Variants in ANKRD13C observed in about 807,000 individuals in gnomAD.
ANKRD13C encodes ankyrin repeat domain 13C.
A neutral mutation model predicts 65.5 loss-of-function variants in ANKRD13C; 16 were observed. The ratio of observed to expected loss-of-function variants is 0.24; its 90% CI spans 0.17 to 0.37. ANKRD13C has a LOEUF of 0.37. ANKRD13C is among the 10% of genes least tolerant of loss of function. The pLI, the probability that ANKRD13C is intolerant of heterozygous loss-of-function variation, is 1.00. For synonymous variants in ANKRD13C, 235 were observed against 238.7 expected, an observed-to-expected ratio of 0.98 and a Z score of 0.14; for missense variants, 503 against 655.9, an observed-to-expected ratio of 0.77 and a Z score of 2.55.
At chr1:70,334,733 T>A (rs1681945115) in intron 2 of ANKRD13C, among the ~76,000 whole-genome samples, 1 of 152,032 alleles carries the variant, frequency 6.6e-6, no homozygotes, top group Non-Finnish European at 1.5e-5. Context: ...GAGATCGGCC[T>A]GACCAACATG....
intron 6 of ANKRD13C, among the ~76,000 whole-genome samples, chr1:70,302,523 G>A (rs1263264720): frequency 1.4e-5 from 2 of 143,582 alleles, no homozygotes; most frequent in African/African-American, 2.7e-5. Flanking sequence ...TCAGGAGATC[G>A]AGACCATCCC....
At chr1:70,350,871 C>T (rs1682716053) in intron 1 of ANKRD13C, among the ~76,000 whole-genome samples, 1 of 152,148 alleles carries the variant, frequency 6.6e-6, no homozygotes, top group Non-Finnish European at 1.5e-5. Context: ...GTAAAACTAT[C>T]TGCTTTGGAC....
intron 2 of ANKRD13C, among the ~76,000 whole-genome samples, chr1:70,334,607 G>C (rs1240371415): frequency 6.6e-6 from 1 of 151,746 alleles, no homozygotes; most frequent in Non-Finnish European, 1.5e-5. Context: ...CCACCCTGGG[G>C]AACACAGCGA....
chr1:70,332,626 C>T (rs1029138047), intron 2 of ANKRD13C, among the ~76,000 whole-genome samples: 10 of 152,078 alleles, frequency 6.6e-5, no homozygotes, highest in Non-Finnish European at 1.3e-4. Flanking sequence ...CCACCATGCC[C>T]GGCTAATTTT....
In ANKRD13C at chr1:70,259,022, T is replaced by C. The variant is rs1036873038; in HGVS notation, c.*3695A>G. 2.6e-5 allele frequency among the ~76,000 whole-genome samples: 4 copies of C among 152,174 alleles called. No homozygotes were observed. Among genetic ancestry groups the C allele is most frequent in the Non-Finnish European group, 5.9e-5 (4 of 68,022 alleles). On this transcript the variant is annotated 3_prime_UTR_variant, in exon 13 of 13. Transcript: ENST00000370944. Reference sequence around the variant, plus strand: ...TGTGGTCTCGGAGCAATAGGCTTTATTGTATAGTCTAGGTGAGTGGTATGC... The same window carrying C: ...TGTGGTCTCGGAGCAATAGGCTTTACTGTATAGTCTAGGTGAGTGGTATGC...
chr1:70,325,739 C>T (rs1345169364), intron 2 of ANKRD13C, among the ~76,000 whole-genome samples: 1 of 151,992 alleles, frequency 6.6e-6, no homozygotes, highest in African/African-American at 2.4e-5. Flanking sequence ...ATTAGCCAGG[C>T]ATGGTGGTAC....
intron 3 of ANKRD13C, among the ~76,000 whole-genome samples, chr1:70,319,210 G>C (rs1466930706): frequency 6.6e-6 from 1 of 152,114 alleles, no homozygotes; most frequent in African/African-American, 2.4e-5. Context: ...TTAAAATCTT[G>C]ACTAGCACAT....
At chr1:70,345,139 T>C (rs1459246726) in intron 1 of ANKRD13C, among the ~76,000 whole-genome samples, 2 of 152,102 alleles carry the variant, frequency 1.3e-5, no homozygotes, top group African/African-American at 4.8e-5. Flanking sequence ...TCTTAAAAGT[T>C]GGTTGCACAG....
At position 70,288,139 on chromosome 1, in the gene ANKRD13C, G is replaced by T. The variant is rs749572526; in HGVS notation, c.1215+4249C>A. Among the ~76,000 whole-genome samples, 22 of 152,198 alleles carry T rather than the reference G, an allele frequency of 1.4e-4. 1 individual carries two copies. The highest frequency in any genetic ancestry group is 1.3e-4 in the Admixed American group (2 of 15,284). On this transcript the variant is annotated intron_variant, in intron 9 of 12. Coordinates refer to ENST00000370944, the MANE Select transcript of ANKRD13C (RefSeq NM_030816.5). The stretch of plus-strand genomic sequence containing the variant: ...GATATACAGATAGCAAATAAGCCAT[G>T]AAGAGATGACCATTCAATATCATTA...
intron 9 of ANKRD13C, among the ~76,000 whole-genome samples, chr1:70,290,196 T>C (rs1679801717): frequency 1.3e-5 from 2 of 152,122 alleles, no homozygotes; most frequent in African/African-American, 4.8e-5. Flanking sequence ...CTATGGCTGA[T>C]TCACTCAATA....
chr1:70,276,064 C>A (rs970891810), intron 10 of ANKRD13C, among the ~76,000 whole-genome samples: 4 of 150,474 alleles, frequency 2.7e-5, no homozygotes, highest in Admixed American at 6.6e-5. Flanking sequence ...AAAATGACAA[C>A]TTCTTCCTAA....
At chr1:70,311,405 G>A (rs775590761) in intron 5 of ANKRD13C, among the ~76,000 whole-genome samples, 3 of 152,182 alleles carry the variant, frequency 2.0e-5, no homozygotes, top group African/African-American at 7.2e-5. Flanking sequence ...AACCCAGGAG[G>A]TGGAGGTTGC....
At chr1:70,272,328 T>C (rs1278871721) in intron 11 of ANKRD13C, among the ~76,000 whole-genome samples, 1 of 151,618 alleles carries the variant, frequency 6.6e-6, no homozygotes, top group East Asian at 1.9e-4. Context: ...CGGGTTCAAG[T>C]GATTGTCTCA....
At chr1:70,353,366 A>C (rs1254614211) in intron 1 of ANKRD13C, among the ~76,000 whole-genome samples, 1 of 152,210 alleles carries the variant, frequency 6.6e-6, no homozygotes, top group South Asian at 2.1e-4. Context: ...CAAGCAAAAA[A>C]TCAAATCTCT....
intron 1 of ANKRD13C, among the ~76,000 whole-genome samples, chr1:70,352,772 T>C (rs1023771180): frequency 2.0e-5 from 3 of 152,230 alleles, no homozygotes; most frequent in African/African-American, 7.2e-5. Context: ...AATTTAAATG[T>C]AGGAAAGAAA....
intron 4 of ANKRD13C, among the ~76,000 whole-genome samples, chr1:70,315,257 T>C (rs1681027222): frequency 6.6e-6 from 1 of 152,170 alleles, no homozygotes; most frequent in African/African-American, 2.4e-5. Flanking sequence ...TTAGAGCTCT[T>C]ATCTAATTTA....
chr1:70,354,126 G>A lies in ANKRD13C; in HGVS notation c.283C>T (p.Leu95=), dbSNP rs773349689. ...ACAGCAACGGGGTTGGTGCCGGCCA[G>A]AAGGGCCGGGGACTGGGAGTTGGCA... The part of the protein sequence containing the change: ...VTANSQSPAL[L]AGTNPVAVVA... Residue 95 remains leucine (L), a synonymous_variant, in exon 1 of 13, where the codon CTG becomes TTG. Coordinates refer to ENST00000370944, the MANE Select transcript of ANKRD13C (RefSeq NM_030816.5). The A allele has an allele frequency of 6.2e-7, 1 of 1,613,848 alleles. No individual in the cohort carries two copies. The highest frequency in any genetic ancestry group is 1.3e-5 in the African/African-American group (1 of 75,058).
intron 2 of ANKRD13C, among the ~76,000 whole-genome samples, chr1:70,332,703 T>C (rs1245658904): frequency 6.6e-6 from 1 of 152,100 alleles, no homozygotes; most frequent in Non-Finnish European, 1.5e-5. Flanking sequence ...TGGCCTTAAG[T>C]GATCTGCCCG....
At position 70,354,196 on chromosome 1, in the gene ANKRD13C, A is replaced by G; in HGVS notation, c.213T>C (p.Asn71=). The G allele has an allele frequency of 1.2e-6, 2 of 1,613,488 alleles. No homozygotes were observed. Among genetic ancestry groups the G allele is most frequent in the South Asian group, 1.1e-5 (1 of 91,060 alleles). The part of the protein sequence containing the change: ...LQLKAAPASS[N]PPGAPALPLH... ...GCGGCAGAGCCGGGGCGCCGGGGGGATTGGAGGAGGCCGGAGCTGCCTTCA... is the reference window on the plus strand; with the variant it reads ...GCGGCAGAGCCGGGGCGCCGGGGGGGTTGGAGGAGGCCGGAGCTGCCTTCA... Residue 71 remains asparagine (N), a synonymous_variant, in exon 1 of 13, where the codon AAT becomes AAC. Coordinates refer to ENST00000370944, the MANE Select transcript of ANKRD13C (RefSeq NM_030816.5).
Sources: allele counts gnomAD v4.1 joint callset (sites outside exome capture counted in the v4.1 genomes callset), GRCh38; gene constraint gnomAD v4.1.1; transcripts MANE v1.5; gene names NCBI Gene and HGNC (gene_info 2026-07-23, HGNC 2026-07-21).